The following DMBT1 variants were observed in gnomAD, a reference collection of about 807,000 sequenced individuals.
The protein encoded by DMBT1 is deleted in malignant brain tumors 1, also known as scavenger receptor cysteine-rich domain-containing protein DMBT1.
Under a neutral mutation model 252.9 loss-of-function variants are expected in DMBT1, and 198 were observed. That is an observed-to-expected ratio of 0.78 (90% confidence interval 0.70 to 0.88). The LOEUF (loss-of-function observed/expected upper bound fraction) is 0.88. DMBT1 is among the 40% of genes least tolerant of loss of function. The probability of loss-of-function intolerance (pLI) is 0.00; values close to 1 mark genes in which losing one functional copy is unlikely to be tolerated. For synonymous variants in DMBT1, 990 were observed against 942.7 expected, an observed-to-expected ratio of 1.05 and a Z score of -0.92; for missense variants, 2,432 against 2,404.7, an observed-to-expected ratio of 1.01 and a Z score of -0.24.
At chr10:122,636,345 G>A (rs1335402626) in intron 53 of DMBT1, 146 bp downstream of exon 53, 5 of 759,228 alleles carry the variant, frequency 6.6e-6, no homozygotes, top group African/African-American at 1.8e-5. Context: ...GGGACCAGGA[G>A]CAGTGGGACT....
intron 16 of DMBT1, among the ~76,000 whole-genome samples, chr10:122,588,467 G>T (rs1482477299): frequency 2.0e-5 from 3 of 148,666 alleles, no homozygotes; most frequent in Admixed American, 2.0e-4. Flanking sequence ...ACTCCTATTC[G>T]ACCTCGTTCC....
At chr10:122,623,137 G>C (rs928488124) in intron 44 of DMBT1, among the ~76,000 whole-genome samples, 9 of 147,846 alleles carry the variant, frequency 6.1e-5, no homozygotes, top group African/African-American at 1.9e-4. Flanking sequence ...AAGAATTGTG[G>C]TCACTTTCTA....
rs1257290368 is a variant in DMBT1 at position 122,570,956 on chromosome 10, G to A, written c.187+19G>A. 1 of 1,611,542 alleles carries A rather than the reference G, an allele frequency of 6.2e-7. No homozygotes were observed. Among genetic ancestry groups the A allele is most frequent in the Non-Finnish European group, 8.5e-7 (1 of 1,177,698 alleles). The stretch of plus-strand genomic sequence containing the variant: ...GCAGAAGGTAACGTCTACTATGGGG[G>A]ATCCCTGTGGGCTCATTACCCCACT... On this transcript the variant is annotated intron_variant, in intron 4 of 55. Transcript: ENST00000338354.
Position 122,590,637 on chromosome 10 carries a change from A to C in DMBT1, c.2108-28A>C, listed in dbSNP as rs541924877. The stretch of plus-strand genomic sequence containing the variant: ...GGTTTTGCCAGCTTCTGTATAGTGC[A>C]TCTGATCTGACCTCCTCTTTCTCAC... On this transcript the variant is annotated intron_variant, in intron 17 of 55. Coordinates refer to ENST00000338354, the MANE Select transcript of DMBT1 (RefSeq NM_001377530.1). 1.8e-5 allele frequency: 28 copies of C among 1,587,206 alleles called. 5 individuals carry two copies. The East Asian group carries it at 6.3e-4, about 36-fold the overall frequency.
intron 2 of DMBT1, among the ~76,000 whole-genome samples, chr10:122,569,948 G>A (rs1487486937): frequency 1.3e-5 from 2 of 152,196 alleles, no homozygotes; most frequent in African/African-American, 2.4e-5. Context: ...GAGGTGTGGG[G>A]AGGGTAACAG....
At chr10:122,618,896 G>C (rs760860446) in intron 41 of DMBT1, among the ~76,000 whole-genome samples, 1 of 152,242 alleles carries the variant, frequency 6.6e-6, no homozygotes, top group Non-Finnish European at 1.5e-5. Flanking sequence ...CTGTGCCCCA[G>C]GTCTGGTGTG....
chr10:122,600,083 A>G lies in DMBT1; in HGVS notation c.3300A>G (p.Thr1100=), dbSNP rs2097928696. 1 of 1,606,624 alleles carries G rather than the reference A, an allele frequency of 6.2e-7. No homozygotes were observed. The highest frequency in any genetic ancestry group is 8.5e-7 in the Non-Finnish European group (1 of 1,178,138). ...TCACAGCTTCCCAGTCCCGGCCAAC[A>G]CCTAGTCCAGGTGGGTCCCCAGTGT... The part of the protein sequence containing the change: ...VICSASQSRP[T]PSPDTWPTSH... The change falls in exon 27 of 56, where the codon ACA becomes ACG. Residue 1100 remains threonine (T), a synonymous_variant. Transcript: ENST00000338354.
rs41310302 is a variant in DMBT1, at chr10:122,570,260, C to T, written c.139+51C>T. 159 of 1,362,508 alleles carry T rather than the reference C, an allele frequency of 1.2e-4. 2 individuals carry two copies. The highest frequency in any genetic ancestry group is 9.1e-4 in the Admixed American group (54 of 59,376). 84.4% of individuals were successfully genotyped at this position (1,362,508 alleles called of 1,614,324 possible). ...GTGGGCTCATTACCCCACTGCACCC[C>T]TAGGTTCATCTCTGATCCAGAAGAG... On this transcript the variant is annotated intron_variant, in intron 3 of 55. Transcript: ENST00000338354.
intron 41 of DMBT1, 82 bp downstream of exon 41, chr10:122,618,422 C>T: frequency 6.2e-7 from 1 of 1,600,726 alleles, no homozygotes; most frequent in South Asian, 1.1e-5. Context: ...CTGATCTCCT[C>T]ACTCAAAGCT....
chr10:122,642,238 G>A (rs1844696908), intron 55 of DMBT1, among the ~76,000 whole-genome samples: 1 of 152,142 alleles, frequency 6.6e-6, no homozygotes, highest in African/African-American at 2.4e-5. Flanking sequence ...TGCCTATGGA[G>A]GAAGGAAGGA....
rs1370001543 is a variant in DMBT1, at chr10:122,598,997, G to T, written c.3180G>T (p.Val1060=). ...CAGGACCCATTGTCCTGGATGATGT[G>T]CGCTGCTCAGGACACGAGTCTTACC... ...QGSGPIVLDD[V]RCSGHESYLW... The change falls in exon 26 of 56, where the codon GTG becomes GTT. Residue 1060 remains valine (V), a synonymous_variant. Transcript: ENST00000338354. 3 of 1,613,786 alleles carry T rather than the reference G, an allele frequency of 1.9e-6. No individual in the cohort carries two copies. Among genetic ancestry groups the T allele is most frequent in the Non-Finnish European group, 2.5e-6 (3 of 1,179,734 alleles).
rs777594814 is a variant in DMBT1 at position 122,621,024 on chromosome 10, G to C, written c.5285-33G>C. The C allele has an allele frequency of 1.9e-6, 3 of 1,611,780 alleles. No individual in the cohort carries two copies. In the Admixed American group the frequency reaches 5.0e-5, roughly 27 times the overall value. The stretch of plus-strand genomic sequence containing the variant: ...CCTTAAATCCTTGACCTCATAATCA[G>C]TATGGATGAAGGGTTCTTGTGTTCC... On this transcript the variant is annotated intron_variant, in intron 43 of 55. Coordinates refer to ENST00000338354, the MANE Select transcript of DMBT1 (RefSeq NM_001377530.1).
intron 4 of DMBT1, 66 bp from the exon 5 acceptor site, chr10:122,572,248 G>C (rs1382714526): frequency 6.2e-7 from 1 of 1,600,534 alleles, no homozygotes; most frequent in Non-Finnish European, 8.6e-7. Flanking sequence ...ACCTGAGGAA[G>C]CCATGGACCA....
intron 4 of DMBT1, among the ~76,000 whole-genome samples, chr10:122,571,590 G>A (rs577369592): frequency 2.6e-5 from 4 of 152,328 alleles, no homozygotes; most frequent in Admixed American, 2.0e-4. Context: ...AAATCCCTGT[G>A]CTGATTTCCT....
At chr10:122,567,747 C>A (rs192726315) in intron 2 of DMBT1, among the ~76,000 whole-genome samples, 18 of 152,296 alleles carry the variant, frequency 1.2e-4, no homozygotes, top group Admixed American at 2.6e-4. Context: ...GACTTCCCAG[C>A]ATGGCCAGCT....
chr10:122,599,206 T>C, intron 26 of DMBT1, 109 bp downstream of exon 26: 1 of 1,562,688 alleles, frequency 6.4e-7, no homozygotes, highest in South Asian at 1.2e-5. Context: ...ATGTTTTCTA[T>C]ATTTCTGAAG....
chr10:122,579,414 C>T (rs559827587), intron 9 of DMBT1, among the ~76,000 whole-genome samples, 164 bp from the exon 10 acceptor site: 55 of 152,174 alleles, frequency 3.6e-4, no homozygotes, highest in Non-Finnish European at 6.3e-4. Flanking sequence ...AGTAGGTTAT[C>T]AGTGCTACTT....
chr10:122,570,197 A>C lies in DMBT1; in HGVS notation c.127A>C (p.Thr43Pro). 1.9e-6 allele frequency: 3 copies of C among 1,587,368 alleles called. No individual in the cohort carries two copies. The highest frequency in any genetic ancestry group is 2.6e-6 in the Non-Finnish European group (3 of 1,155,862). ...TCCCTCGGAGGTGCCCTTGGATCCA[A>C]CTGTAGCAGAAGGTAAGGTCTATTA... ...LIPSEVPLDP[T>P]VAEGSPFPSE... Residue 43 changes from threonine to proline, a missense_variant, in exon 3 of 56, where the codon ACT (threonine) becomes CCT (proline). Transcript: ENST00000338354.
At chr10:122,562,446 G>A (rs1400746662) in intron 1 of DMBT1, among the ~76,000 whole-genome samples, 1 of 152,146 alleles carries the variant, frequency 6.6e-6, no homozygotes, top group Non-Finnish European at 1.5e-5. Context: ...GGAGGGACTG[G>A]GGGCCACCAG....
Sources: gnomAD v4.1 joint callset for allele counts (sites outside exome capture counted in the v4.1 genomes callset) on GRCh38, gnomAD v4.1.1 for gene constraint, MANE v1.5 for transcripts, NCBI Gene and HGNC (gene_info 2026-07-23, HGNC 2026-07-21) for gene names.